Variants in ALG12 observed in about 807,000 individuals in gnomAD.
The protein encoded by ALG12 is dol-P-Man:Man(7)GlcNAc(2)-PP-Dol alpha-1,6-mannosyltransferase.
In ALG12, 36 loss-of-function variants were observed where a neutral mutation model predicts 46.0. That is an observed-to-expected ratio of 0.78 (90% CI 0.60 to 1.03). The LOEUF (loss-of-function observed/expected upper bound fraction) is 1.03. ALG12 is among the 50% of genes least tolerant of loss of function. The pLI is 0.00. For missense variants in ALG12, 599 were observed against 633.5 expected (o/e 0.95, Z 0.58); for synonymous variants, 326 against 291.6 (o/e 1.12, Z -1.20).
chr22:49,899,064 C>T (rs149200760), downstream of ALG12, among the ~76,000 whole-genome samples: 177 of 152,256 alleles, frequency 1.2e-3, 1 homozygote, highest in African/African-American at 4.2e-3. Context: ...CCAAGGCAAG[C>T]GGATTACTTG....
At chr22:49,884,575 G>A in the ALG12 span, 1 of 1,612,868 alleles carries the variant, frequency 6.2e-7, no homozygotes, top group Non-Finnish European at 8.5e-7. Context: ...CTCCAAAGCT[G>A]TCTGCATTCA....
the ALG12 span, chr22:49,884,269 C>A: frequency 6.2e-7 from 1 of 1,610,778 alleles, no homozygotes; most frequent in Non-Finnish European, 8.5e-7. Context: ...CAGCACCATC[C>A]TCTCACCCAT....
chr22:49,909,322 A>G lies in ALG12; in HGVS notation c.690T>C (p.Tyr230=), dbSNP rs750524007. ...CCGGCCAAGTGAGCTGCCGCCAAAA[A>G]TAAGAGTCCACAGCAACCGTCAGTC... ...CLGLTVAVDS[Y]FWRQLTWPEG... is the part of the protein sequence containing the mutation. Residue 230 remains tyrosine (Y), a synonymous_variant, in exon 6 of 10, where the codon TAT becomes TAC. Transcript: ENST00000330817. The G allele has an allele frequency of 5.6e-6, 9 of 1,614,114 alleles. No homozygotes were observed. In the Admixed American group the frequency reaches 8.3e-5, roughly 15 times the overall value.
At chr22:49,907,632 A>AT in intron 7 of ALG12, 89 bp downstream of exon 7, 1 of 1,420,850 alleles carries the variant, frequency 7.0e-7, no homozygotes, top group Non-Finnish European at 9.7e-7. Context: ...TTCAAAAATT[A>AT]AACACACACA....
At chr22:49,869,312 C>G in the ALG12 span, among the ~76,000 whole-genome samples, 4 of 152,092 alleles carry the variant, frequency 2.6e-5, no homozygotes, top group Non-Finnish European at 5.9e-5. Flanking sequence ...CAGAGGCACC[C>G]GTAACAGTGA....
the ALG12 span, among the ~76,000 whole-genome samples, chr22:49,879,640 C>A: frequency 1.6e-5 from 2 of 124,094 alleles, no homozygotes; most frequent in African/African-American, 5.5e-5. Context: ...AGTGTCTGGG[C>A]GTGTTTCTAT....
Position 49,906,672 on chromosome 22 carries a change from C to T in ALG12, c.992+1049G>A, listed in dbSNP as rs562559503. 7.9e-5 allele frequency among the ~76,000 whole-genome samples: 12 copies of T among 152,306 alleles called. No individual in the cohort carries two copies. In the South Asian group the frequency reaches 1.0e-3, roughly 13 times the overall value. On this transcript the variant is annotated intron_variant, in intron 7 of 9. Coordinates refer to ENST00000330817, the MANE Select transcript of ALG12 (RefSeq NM_024105.4). The surrounding 1 kb of genome is among the most constrained non-coding windows in gnomAD (Gnocchi z 4.4). The stretch of plus-strand genomic sequence containing the variant: ...GGGCACCTCTCAATGCCCCAGGCCG[C>T]GGCCCTCCTGGCCTGTAGCCCTGCC...
the ALG12 span, among the ~76,000 whole-genome samples, chr22:49,863,952 C>A: frequency 2.0e-5 from 3 of 152,214 alleles, no homozygotes; most frequent in African/African-American, 4.8e-5. Flanking sequence ...CTTTTGACAT[C>A]ATTCCTGAAC....
At chr22:49,911,406 C>T (rs532730617) in intron 3 of ALG12, among the ~76,000 whole-genome samples, 25 of 152,124 alleles carry the variant, frequency 1.6e-4, no homozygotes, top group African/African-American at 5.8e-4. Flanking sequence ...TTTCTTTTCA[C>T]TGATTGCTGG....
the ALG12 span, among the ~76,000 whole-genome samples, chr22:49,862,741 G>A: frequency 1.8e-5 from 2 of 112,428 alleles, no homozygotes; most frequent in Non-Finnish European, 3.3e-5. Context: ...TTGCTCTGTC[G>A]CCCAGGCTGG....
chr22:49,901,847 CGTGTGCACTG>C lies in ALG12; in HGVS notation c.*1981_*1990del, dbSNP rs1569171387. On this transcript the variant is annotated 3_prime_UTR_variant, in exon 10 of 10. Transcript: ENST00000330817. ...ACTGTGTGTATGCATGGTGTGTGCA[CGTGTGCACTG>C]TGTGTGGTGTGTATTCATGGTGTGT... The C allele has an allele frequency of 1.7e-5, 2 of 120,286 alleles. No homozygotes were observed. The highest frequency in any genetic ancestry group is 2.8e-4 in the South Asian group (1 of 3,564). The allele number at this position is 120,286 out of a possible 1,614,324, so 7.5% of individuals were successfully genotyped here.
chr22:49,888,099 T>C, the ALG12 span: 1 of 167,282 alleles, frequency 6.0e-6, no homozygotes, highest in South Asian at 2.1e-4. Context: ...AAGCTTGTTA[T>C]ATTCCAGTTG....
chr22:49,888,548 C>A, the ALG12 span: 94 of 167,264 alleles, frequency 5.6e-4, no homozygotes, highest in Non-Finnish European at 8.2e-4. Context: ...TGAAATTTCA[C>A]CTTAACCCCA....
At chr22:49,859,886 G>C in the ALG12 span, among the ~76,000 whole-genome samples, 1 of 151,968 alleles carries the variant, frequency 6.6e-6, no homozygotes, top group Non-Finnish European at 1.5e-5. Flanking sequence ...AATCAGCTGG[G>C]CATGATGGTA....
the ALG12 span, among the ~76,000 whole-genome samples, chr22:49,873,602 A>G: frequency 6.6e-6 from 1 of 152,054 alleles, no homozygotes; most frequent in Non-Finnish European, 1.5e-5. Context: ...GCACCGATGG[A>G]CGTGCTTGAT....
In ALG12 at chr22:49,903,072, C is replaced by T; in HGVS notation, c.*766G>A. 2.9e-6 allele frequency: 1 copy of T among 350,008 alleles called. No homozygotes were observed. Among genetic ancestry groups the T allele is most frequent in the Non-Finnish European group, 5.6e-6 (1 of 179,372 alleles). The allele number at this position is 350,008 out of a possible 1,614,324, so 21.7% of individuals were successfully genotyped here. A position where few individuals can be genotyped will look rare whatever the true frequency, so the allele number is the denominator to read the frequency against. On this transcript the variant is annotated 3_prime_UTR_variant, in exon 10 of 10. Coordinates refer to ENST00000330817, the MANE Select transcript of ALG12 (RefSeq NM_024105.4). ...CTCCAGTGCCCAGCAGCATCACACG[C>T]ACTTTGGTGCTTTATAAATGCATGG...
chr22:49,915,741 C>T (rs1303458330), intron 1 of ALG12, among the ~76,000 whole-genome samples: 1 of 152,100 alleles, frequency 6.6e-6, no homozygotes, highest in African/African-American at 2.4e-5. Context: ...TTTTTCCCAC[C>T]AGCGCAGCCT....
chr22:49,881,777 C>G, the ALG12 span, among the ~76,000 whole-genome samples: 1 of 152,190 alleles, frequency 6.6e-6, no homozygotes, highest in South Asian at 2.1e-4. Context: ...AAGCGATCCT[C>G]CCACCTCAGC....
At chr22:49,879,999 GGTT>G in the ALG12 span, among the ~76,000 whole-genome samples, 1 of 151,602 alleles carries the variant, frequency 6.6e-6, no homozygotes, top group Non-Finnish European at 1.5e-5. Flanking sequence ...TCGCAGGTCT[GGTT>G]GTTTTTGTCA....
Sources: allele counts gnomAD v4.1 joint callset (sites outside exome capture counted in the v4.1 genomes callset), GRCh38; gene constraint gnomAD v4.1.1; non-coding constraint Gnocchi (gnomAD v3.1); transcripts MANE v1.5; gene names NCBI Gene and HGNC (gene_info 2026-07-23, HGNC 2026-07-21).